ZNF79: variants seen among roughly 807,000 people sequenced by gnomAD.
ZNF79 encodes the protein zinc finger protein 79.
Under a neutral mutation model 14.9 loss-of-function variants are expected in ZNF79, and 13 were observed. The ratio of observed to expected loss-of-function variants is 0.87; its 90% CI spans 0.57 to 1.38. ZNF79 has a LOEUF of 1.38. ZNF79 is among the 40% of genes most tolerant of loss of function. The pLI is 0.00. For synonymous variants in ZNF79, 223 were observed against 235.1 expected (o/e 0.95, Z 0.47); for missense variants, 631 against 630.6 (o/e 1.00, Z -0.01).
rs1564239181 is a variant in ZNF79, at chr9:127,444,456, T to C, written c.756T>C (p.Ser252=). Residue 252 remains serine, a synonymous_variant, in exon 5 of 5, where the codon AGT becomes AGC. Coordinates refer to ENST00000342483, the MANE Select transcript of ZNF79 (RefSeq NM_007135.3). ...CTGGAGAGAAGCCTTACAAGTGCAG[T>C]GAATGTGGAAGAGCCTTCAGCCAGA... ...IHTGEKPYKC[S]ECGRAFSQNA... The C allele has an allele frequency of 1.2e-5, 19 of 1,606,016 alleles. No homozygotes were observed. Among genetic ancestry groups the C allele is most frequent in the African/African-American group, 1.4e-5 (1 of 73,060 alleles).
rs759297447 is a variant in ZNF79, at chr9:127,444,616, G to A, written c.916G>A (p.Glu306Lys). The A allele has an allele frequency of 1.3e-5, 21 of 1,613,492 alleles. No homozygotes were observed. Among genetic ancestry groups the A allele is most frequent in the African/African-American group, 1.2e-4 (9 of 74,694 alleles). Reference sequence around the variant, plus strand: ...AATTCATACCGGAGAGAAGCCCTACGAATGCAGCGACTGTGGGAAGGCCTT... The same window carrying A: ...AATTCATACCGGAGAGAAGCCCTACAAATGCAGCGACTGTGGGAAGGCCTT... ...QRIHTGEKPY[E>K]CSDCGKAFRH... Residue 306 changes from glutamate to lysine, a missense_variant, in exon 5 of 5, where the codon GAA becomes AAA. By Grantham distance (56) the Glu-to-Lys change is moderately conservative. Transcript: ENST00000342483.
intron 3 of ZNF79, 42 bp from the exon 4 acceptor site, chr9:127,435,866 C>G: frequency 6.4e-7 from 1 of 1,565,678 alleles, no homozygotes; most frequent in Non-Finnish European, 8.8e-7. Flanking sequence ...GCTGTTCATA[C>G]TTACTTACAA....
chr9:127,444,524 A>C lies in ZNF79; in HGVS notation c.824A>C (p.Lys275Thr). 3 of 1,614,034 alleles carry C rather than the reference A, an allele frequency of 1.9e-6. No homozygotes were observed. The highest frequency in any genetic ancestry group is 2.5e-6 in the Non-Finnish European group (3 of 1,179,888). ...TKHQRTHTGE[K>T]PYRCSECEKA... Reference sequence around the variant, plus strand: ...CACCAGCGAACCCACACCGGAGAGAAGCCCTACAGATGCAGCGAGTGTGAG... The same window carrying C: ...CACCAGCGAACCCACACCGGAGAGACGCCCTACAGATGCAGCGAGTGTGAG... The change falls in exon 5 of 5, where the codon AAG becomes ACG. Residue 275 changes from lysine (K) to threonine (T), a missense_variant. Transcript: ENST00000342483.
At chr9:127,440,053 G>A (rs954635763) in intron 4 of ZNF79, among the ~76,000 whole-genome samples, 5 of 152,092 alleles carry the variant, frequency 3.3e-5, no homozygotes, top group East Asian at 1.9e-4. Flanking sequence ...TAGTAGAGAC[G>A]GGGTTTCACC....
intron 2 of ZNF79, among the ~76,000 whole-genome samples, chr9:127,432,843 G>A (rs957393496): frequency 2.6e-5 from 4 of 151,742 alleles, no homozygotes; most frequent in Non-Finnish European, 4.4e-5. Context: ...TTTTCTTTAC[G>A]TATTATATAT....
At chr9:127,426,057 C>T (rs1485853835) in intron 1 of ZNF79, among the ~76,000 whole-genome samples, 1 of 152,202 alleles carries the variant, frequency 6.6e-6, no homozygotes, top group African/African-American at 2.4e-5. Flanking sequence ...TTAGATAACT[C>T]TCAGTAACAG....
intron 4 of ZNF79, 123 bp downstream of exon 4, chr9:127,436,126 T>C (rs1356647090): frequency 2.6e-6 from 2 of 767,994 alleles, no homozygotes; most frequent in Non-Finnish European, 4.3e-6. Flanking sequence ...ATTCTACAGA[T>C]GAGGAAATGG....
chr9:127,427,254 A>C (rs1012109103), intron 1 of ZNF79, among the ~76,000 whole-genome samples: 1 of 101,386 alleles, frequency 9.9e-6, no homozygotes, highest in Admixed American at 1.5e-4. Flanking sequence ...CCCGTCTACT[A>C]AAAAAAAAAA....
At chr9:127,438,664 C>T (rs1833991605) in intron 4 of ZNF79, among the ~76,000 whole-genome samples, 1 of 152,142 alleles carries the variant, frequency 6.6e-6, no homozygotes, top group Non-Finnish European at 1.5e-5. Flanking sequence ...ATTCCTTCCT[C>T]CAGGGTATGG....
intron 1 of ZNF79, among the ~76,000 whole-genome samples, chr9:127,426,660 A>T (rs1204362907): frequency 6.6e-6 from 1 of 151,940 alleles, no homozygotes; most frequent in Non-Finnish European, 1.5e-5. Context: ...TTAGCACATC[A>T]TTTTCAGGGT....
chr9:127,435,091 G>C lies in ZNF79; in HGVS notation c.107G>C (p.Gly36Ala), dbSNP rs369378719. 6.2e-7 allele frequency: 1 copy of C among 1,606,286 alleles called. No homozygotes were observed. Among genetic ancestry groups the C allele is most frequent in the East Asian group, 2.2e-5 (1 of 44,550 alleles). ...GATGAAATGTGCTTGTTTTTTCAGG[G>C]ATCCACATTCTTCAGCAGTGTGACG... is the stretch of plus-strand genomic sequence containing the variant. ...AAGLLTAGPRGSTFFSSVTVA... is the reference protein window; with the variant it reads ...AAGLLTAGPRASTFFSSVTVA... The change falls in exon 3 of 5, where the codon GGA becomes GCA. Residue 36 changes from glycine (G) to alanine (A), a missense_variant and splice_region_variant. Physicochemically the swap from Gly to Ala is moderately conservative, Grantham distance 60. Transcript: ENST00000342483.
chr9:127,444,253 C>T lies in ZNF79; in HGVS notation c.553C>T (p.Leu185=). The T allele has an allele frequency of 6.2e-7, 1 of 1,614,088 alleles. No individual in the cohort carries two copies. Among genetic ancestry groups the T allele is most frequent in the Middle Eastern group, 1.6e-4 (1 of 6,062 alleles). ...CGAGAGCTTCAAGAACTCGGAAATC[C>T]TGAAACCTCACAGAGCAAAACCATA... ...HTESFKNSEI[L]KPHRAKPYAC... The change falls in exon 5 of 5, where the codon CTG becomes TTG. Residue 185 remains leucine (L), a synonymous_variant. Coordinates refer to ENST00000342483, the MANE Select transcript of ZNF79 (RefSeq NM_007135.3).
intron 2 of ZNF79, among the ~76,000 whole-genome samples, chr9:127,430,584 A>G (rs1285632502): frequency 2.0e-5 from 3 of 152,220 alleles, no homozygotes; most frequent in Non-Finnish European, 4.4e-5. Context: ...CATCCATGTC[A>G]CTGCAAAGGA....
At chr9:127,437,226 A>G (rs950889447) in intron 4 of ZNF79, among the ~76,000 whole-genome samples, 1 of 152,046 alleles carries the variant, frequency 6.6e-6, no homozygotes, top group Admixed American at 6.6e-5. Context: ...CCATCCTCTA[A>G]GCAGACTGTT....
intron 1 of ZNF79, among the ~76,000 whole-genome samples, chr9:127,427,119 A>G (rs765518637): frequency 1.8e-4 from 28 of 151,900 alleles, no homozygotes; most frequent in Non-Finnish European, 3.4e-4. Context: ...TCTTTTGCCC[A>G]TTTAAGAATT....
chr9:127,435,775 G>C (rs761948806), intron 3 of ZNF79, 133 bp from the exon 4 acceptor site: 182 of 731,674 alleles, frequency 2.5e-4, no homozygotes, highest in Admixed American at 3.8e-4. Context: ...TAGGCACTAA[G>C]TAAGAGCTCA....
rs760353705 is a variant in ZNF79, at chr9:127,444,549, G to A, written c.849G>A (p.Glu283=). The part of the protein sequence containing the change: ...GEKPYRCSEC[E]KAFSDCSALV... ...AGCCCTACAGATGCAGCGAGTGTGA[G>A]AAAGCCTTCAGTGACTGCTCAGCTC... The change falls in exon 5 of 5, where the codon GAG becomes GAA. Residue 283 remains glutamate, a synonymous_variant. Coordinates refer to ENST00000342483, the MANE Select transcript of ZNF79 (RefSeq NM_007135.3). The A allele has an allele frequency of 1.2e-5, 20 of 1,613,988 alleles. No individual in the cohort carries two copies. Among genetic ancestry groups the A allele is most frequent in the Non-Finnish European group, 1.6e-5 (19 of 1,180,030 alleles).
intron 1 of ZNF79, among the ~76,000 whole-genome samples, chr9:127,426,991 G>A (rs1833768124): frequency 1.3e-5 from 2 of 152,148 alleles, no homozygotes; most frequent in South Asian, 4.1e-4. Context: ...CATGTTAGTA[G>A]GTGTGATGTG....
At chr9:127,430,635 A>C (rs1197049000) in intron 2 of ZNF79, among the ~76,000 whole-genome samples, 1 of 152,126 alleles carries the variant, frequency 6.6e-6, no homozygotes. Context: ...TTCCACATGT[A>C]TTTCCTGTTC....
Sources: gnomAD v4.1 joint callset for allele counts (sites outside exome capture counted in the v4.1 genomes callset) on GRCh38, gnomAD v4.1.1 for gene constraint, MANE v1.5 for transcripts, NCBI Gene and HGNC (gene_info 2026-07-23, HGNC 2026-07-21) for gene names.